CDH6: variants seen among roughly 807,000 people sequenced by gnomAD.
The protein encoded by CDH6 is cadherin-6.
Under a neutral mutation model 78.0 loss-of-function variants are expected in CDH6, and 31 were observed. The ratio of observed to expected loss-of-function variants is 0.40; its 90% CI spans 0.30 to 0.54. The LOEUF (loss-of-function observed/expected upper bound fraction) is 0.54. Ranked by LOEUF, CDH6 falls within the 20% of genes least tolerant of loss-of-function variation. The pLI is 0.56. For synonymous variants in CDH6, 376 were observed against 368.8 expected (o/e 1.02, Z -0.23); for missense variants, 724 against 975.9 (o/e 0.74, Z 3.44).
At chr5:31,204,666 T>C (rs78951019) in intron 1 of CDH6, among the ~76,000 whole-genome samples, 3,864 of 152,248 alleles carry the variant, frequency 0.025, 172 homozygotes, top group African/African-American at 0.089. Flanking sequence ...TTTTTTCTCT[T>C]TTTTCTTTGT....
intron 1 of CDH6, among the ~76,000 whole-genome samples, chr5:31,227,894 C>T (rs988291134): frequency 6.6e-6 from 1 of 152,172 alleles, no homozygotes; most frequent in African/African-American, 2.4e-5. Flanking sequence ...GCTGCTGCAA[C>T]GCACACCACA....
In CDH6 at chr5:31,313,527, A is replaced by T; in HGVS notation, c.1390+73A>T. 2.1e-6 allele frequency: 3 copies of T among 1,405,112 alleles called. No individual in the cohort carries two copies. In the South Asian group the frequency reaches 4.0e-5, roughly 19 times the overall value. 87.0% of individuals were successfully genotyped at this position (1,405,112 alleles called of 1,614,324 possible). On this transcript the variant is annotated intron_variant, in intron 8 of 11. Coordinates refer to ENST00000265071, the MANE Select transcript of CDH6 (RefSeq NM_004932.4). ...GTCCCAGCAAGGGCTGGTGGAGCGT[A>T]GCTTGTCACCATGTATTGACAATCC...
intron 2 of CDH6, among the ~76,000 whole-genome samples, chr5:31,280,476 G>A (rs1486818195): frequency 3.9e-5 from 6 of 152,122 alleles, no homozygotes; most frequent in Non-Finnish European, 8.8e-5. Context: ...GGGACCCCAG[G>A]GCCATTGCCA....
At chr5:31,267,119 G>T (rs1436420833) in intron 1 of CDH6, among the ~76,000 whole-genome samples, 2 of 152,066 alleles carry the variant, frequency 1.3e-5, no homozygotes, top group Admixed American at 6.6e-5. Context: ...CTTAAAATAG[G>T]ATTTTTAAGC....
intron 8 of CDH6, among the ~76,000 whole-genome samples, chr5:31,314,548 G>T (rs568144171): frequency 1.3e-5 from 2 of 151,790 alleles, no homozygotes; most frequent in South Asian, 4.2e-4. Context: ...ACCAATATGG[G>T]CAAAATGAAG....
chr5:31,208,121 A>G (rs1040035423), intron 1 of CDH6, among the ~76,000 whole-genome samples: 48 of 152,186 alleles, frequency 3.2e-4, no homozygotes, highest in African/African-American at 9.7e-4. Flanking sequence ...ACAGTTTAGC[A>G]TTTTCTTTGA....
chr5:31,302,001 T>A, intron 5 of CDH6, 110 bp from the exon 6 acceptor site: 1 of 623,746 alleles, frequency 1.6e-6, no homozygotes. Context: ...AAAGCACACA[T>A]CTACCTGATG....
At chr5:31,319,222 G>A (rs1738411371) in intron 11 of CDH6, among the ~76,000 whole-genome samples, 1 of 152,096 alleles carries the variant, frequency 6.6e-6, no homozygotes, top group Non-Finnish European at 1.5e-5. Flanking sequence ...ATCTGACAGT[G>A]GTGATTCTTC....
At position 31,317,470 on chromosome 5, in the gene CDH6, C is replaced by T. The variant is rs1738356552; in HGVS notation, c.1608C>T (p.Asn536=). The T allele has an allele frequency of 6.2e-7, 1 of 1,611,664 alleles. No homozygotes were observed. ...CCCCTGAAGCAGCCAGTGGCTCAAA[C>T]TTTACCATTCAAGACAACAAAGGTA... ...SLAPEAASGS[N]FTIQDNKDNT... Residue 536 remains asparagine (N), a synonymous_variant, in exon 10 of 12, where the codon AAC becomes AAT. Transcript: ENST00000265071.
chr5:31,263,539 T>C (rs1040525435), intron 1 of CDH6, among the ~76,000 whole-genome samples: 2 of 148,340 alleles, frequency 1.3e-5, no homozygotes, highest in Non-Finnish European at 3.0e-5. Context: ...CACCTCGGCC[T>C]TCCAAAGTGC....
At chr5:31,297,881 GT>G (rs1218482785) in intron 4 of CDH6, among the ~76,000 whole-genome samples, 1 of 152,188 alleles carries the variant, frequency 6.6e-6, no homozygotes, top group African/African-American at 2.4e-5. Context: ...CCACATTGCT[GT>G]CCCTTGCCAC....
chr5:31,264,871 T>C (rs1742299106), intron 1 of CDH6, among the ~76,000 whole-genome samples: 1 of 152,256 alleles, frequency 6.6e-6, no homozygotes, highest in Non-Finnish European at 1.5e-5. Flanking sequence ...CATTTTGGTA[T>C]CTGTGATATT....
chr5:31,277,975 T>C (rs1742745087), intron 2 of CDH6, among the ~76,000 whole-genome samples: 1 of 152,212 alleles, frequency 6.6e-6, no homozygotes, highest in African/African-American at 2.4e-5. Context: ...GCATATCCAT[T>C]ACCTCACATA....
intron 1 of CDH6, among the ~76,000 whole-genome samples, chr5:31,243,220 G>A (rs567850255): frequency 6.6e-6 from 1 of 152,234 alleles, no homozygotes; most frequent in Admixed American, 6.5e-5. Context: ...AGCCTGCTGA[G>A]GTCGGCCGCT....
chr5:31,298,497 A>G (rs1362062578), intron 4 of CDH6, among the ~76,000 whole-genome samples: 1 of 152,206 alleles, frequency 6.6e-6, no homozygotes, highest in Non-Finnish European at 1.5e-5. Flanking sequence ...GAGAACAGAA[A>G]GCAGCCGCAC....
chr5:31,320,168 A>C (rs1448636233), intron 11 of CDH6, among the ~76,000 whole-genome samples: 1 of 152,162 alleles, frequency 6.6e-6, no homozygotes, highest in African/African-American at 2.4e-5. Context: ...TAGCAATCAC[A>C]TTTTCACTTT....
chr5:31,299,524 T>C lies in CDH6; in HGVS notation c.704T>C (p.Val235Ala), dbSNP rs1318731410. ...DRENREQYQV[V>A]IQAKDMGGQM... ...GAAAACAGGGAGCAGTACCAAGTGGTGATTCAAGCCAAGGATATGGGCGGC... is the reference window on the plus strand; with the variant it reads ...GAAAACAGGGAGCAGTACCAAGTGGCGATTCAAGCCAAGGATATGGGCGGC... The change falls in exon 5 of 12, where the codon GTG (valine) becomes GCG (alanine). Residue 235 changes from valine (V) to alanine (A), a missense_variant. By Grantham distance (64) the Val-to-Ala change is moderately conservative (BLOSUM62 0). This residue lies in a region of CDH6 where 446 missense variants were observed against 684.5 expected (regional missense o/e 0.65). Coordinates refer to ENST00000265071, the MANE Select transcript of CDH6 (RefSeq NM_004932.4). 1 of 1,613,820 alleles carries C rather than the reference T, an allele frequency of 6.2e-7. No homozygotes were observed. Among genetic ancestry groups the C allele is most frequent in the South Asian group, 1.1e-5 (1 of 91,054 alleles).
At chr5:31,245,732 C>A (rs1335487672) in intron 1 of CDH6, among the ~76,000 whole-genome samples, 1 of 152,110 alleles carries the variant, frequency 6.6e-6, no homozygotes, top group East Asian at 1.9e-4. Context: ...ACGTAGCCAG[C>A]TCCTCAAAGC....
At chr5:31,306,111 T>C (rs1354315548) in intron 7 of CDH6, among the ~76,000 whole-genome samples, 1 of 152,208 alleles carries the variant, frequency 6.6e-6, no homozygotes, top group Non-Finnish European at 1.5e-5. Context: ...TTTTAACAAA[T>C]CAAGCACTGA....
Sources: gnomAD v4.1 joint callset for allele counts (sites outside exome capture counted in the v4.1 genomes callset) on GRCh38, gnomAD v4.1.1 for gene constraint, gnomAD v4.1.1 regional missense constraint, MANE v1.5 for transcripts, NCBI Gene and HGNC (gene_info 2026-07-23, HGNC 2026-07-21) for gene names.